Variants in SLC35F4 observed in about 807,000 individuals in gnomAD.
SLC35F4 encodes chromosome 14 open reading frame 36.
In SLC35F4, 24 loss-of-function variants were observed where a neutral mutation model predicts 44.2. The observed-to-expected ratio is 0.54, with a 90% CI of 0.39 to 0.76. The LOEUF (loss-of-function observed/expected upper bound fraction) is 0.76, where lower values mean the gene tolerates loss of function less well. Ranked by LOEUF, SLC35F4 falls within the 30% of genes least tolerant of loss-of-function variation. The probability of loss-of-function intolerance (pLI) is 0.00; values close to 1 mark genes in which losing one functional copy is unlikely to be tolerated. For synonymous variants in SLC35F4, 238 were observed against 223.6 expected (o/e 1.06, Z -0.57); for missense variants, 562 against 586.1 (o/e 0.96, Z 0.42).
At chr14:57,804,867 C>T (rs745367139) in intron 1 of SLC35F4, among the ~76,000 whole-genome samples, 17 of 152,132 alleles carry the variant, frequency 1.1e-4, no homozygotes, top group South Asian at 6.2e-4. Context: ...GCAATATATC[C>T]GTCTCACAAA....
chr14:57,574,149 G>A (rs1320513608), intron 4 of SLC35F4, among the ~76,000 whole-genome samples: 1 of 152,132 alleles, frequency 6.6e-6, no homozygotes, highest in East Asian at 1.9e-4. Flanking sequence ...TATGACCACA[G>A]GTAGGAACTC....
intron 1 of SLC35F4, among the ~76,000 whole-genome samples, chr14:57,702,410 A>G (rs889415178): frequency 6.6e-6 from 1 of 151,504 alleles, no homozygotes; most frequent in African/African-American, 2.4e-5. Context: ...TATTCATTGT[A>G]CTTCCCTCTA....
chr14:57,682,804 G>T (rs1286662101), intron 1 of SLC35F4, among the ~76,000 whole-genome samples: 1 of 152,072 alleles, frequency 6.6e-6, no homozygotes, highest in Non-Finnish European at 1.5e-5. Flanking sequence ...CTTGGGCAAG[G>T]CACTTAATCT....
Position 57,939,689 on chromosome 14 carries a change from A to C in SLC35F4, n.282+42224T>G, listed in dbSNP as rs148490256. On this transcript the variant is annotated intron_variant and non_coding_transcript_variant, in intron 1 of 1. Transcript: ENST00000556568. ...GCCATTTAATTAATGGAGTTGGAATAATGTGGAATTGAATTGGACAGTTAA... is the reference window on the plus strand; with the variant it reads ...GCCATTTAATTAATGGAGTTGGAATCATGTGGAATTGAATTGGACAGTTAA... Among the ~76,000 whole-genome samples, 544 of 152,356 alleles carry C rather than the reference A, an allele frequency of 3.6e-3. 3 individuals are homozygous for C. Among genetic ancestry groups the C allele is most frequent in the African/African-American group, 0.013 (525 of 41,580 alleles).
chr14:57,940,751 C>T (rs1178721812), intron 1 of SLC35F4, among the ~76,000 whole-genome samples: 1 of 152,188 alleles, frequency 6.6e-6, no homozygotes, highest in East Asian at 1.9e-4. Flanking sequence ...CAGAACTGCC[C>T]TTGCATCTGT....
chr14:57,601,670 A>G (rs946331796), intron 1 of SLC35F4, among the ~76,000 whole-genome samples: 1 of 152,208 alleles, frequency 6.6e-6, no homozygotes, highest in East Asian at 1.9e-4. Flanking sequence ...CTTATCCCTA[A>G]AATAGTAGTA....
At chr14:57,867,603 C>CCA (rs1555398942), upstream of SLC35F4, among the ~76,000 whole-genome samples, 1 of 31,532 alleles carries the variant, frequency 3.2e-5, no homozygotes, top group East Asian at 0.011. Context: ...TGCCTTTACA[C>CCA]CCCCCCCCAC....
At chr14:57,675,877 G>A (rs1034847004) in intron 1 of SLC35F4, among the ~76,000 whole-genome samples, 1 of 151,976 alleles carries the variant, frequency 6.6e-6, no homozygotes, top group Non-Finnish European at 1.5e-5. Flanking sequence ...CTAGAAGATA[G>A]CATCAGAAAA....
In SLC35F4 at chr14:57,961,835, T is replaced by G. The variant is rs532765420; in HGVS notation, n.282+20078A>C. 1.8e-4 allele frequency among the ~76,000 whole-genome samples: 28 copies of G among 152,308 alleles called. No individual in the cohort carries two copies. In the South Asian group the frequency reaches 2.3e-3, roughly 12 times the overall value. ...GCCCTCCCTGCCTCAACTGACGACT[T>G]TAAGCCCTCTTATTATATGTCCTCA... is the stretch of plus-strand genomic sequence containing the variant. On this transcript the variant is annotated intron_variant and non_coding_transcript_variant, in intron 1 of 1. Transcript: ENST00000556568.
intron 1 of SLC35F4, among the ~76,000 whole-genome samples, chr14:57,690,953 C>T (rs772420389): frequency 6.6e-6 from 1 of 152,132 alleles, no homozygotes; most frequent in Non-Finnish European, 1.5e-5. Flanking sequence ...CAGTACCTAA[C>T]AGTATTGGTA....
chr14:57,807,585 T>C (rs1044684421), intron 1 of SLC35F4, among the ~76,000 whole-genome samples: 5 of 151,892 alleles, frequency 3.3e-5, no homozygotes, highest in African/African-American at 7.3e-5. Flanking sequence ...TCAGTACTGA[T>C]TGATTTGAAA....
chr14:57,822,178 G>A (rs1402903679), intron 1 of SLC35F4, among the ~76,000 whole-genome samples: 1 of 152,206 alleles, frequency 6.6e-6, no homozygotes, highest in East Asian at 1.9e-4. Context: ...CTTTACCTTT[G>A]TCTTGGAGCA....
chr14:57,643,886 C>T (rs975758300), intron 1 of SLC35F4, among the ~76,000 whole-genome samples: 1 of 151,910 alleles, frequency 6.6e-6, no homozygotes, highest in Non-Finnish European at 1.5e-5. Context: ...TTTGTCCATG[C>T]GATAGTTTGC....
intron 1 of SLC35F4, among the ~76,000 whole-genome samples, chr14:57,911,775 G>C (rs1027838192): frequency 1.3e-5 from 2 of 151,864 alleles, no homozygotes; most frequent in Non-Finnish European, 2.9e-5. Context: ...TTTGATATTA[G>C]GGTAATACTG....
In SLC35F4 at chr14:57,719,519, T is replaced by C. The variant is rs548145566; in HGVS notation, c.104-125395A>G. ...TTTGACCAGTGTTTTATAGTTCTCA[T>C]TTTAGAGAACTTTCACTTTTTTGGT... On this transcript the variant is annotated intron_variant, in intron 1 of 7. Transcript: ENST00000556826. 3.9e-4 allele frequency among the ~76,000 whole-genome samples: 59 copies of C among 152,308 alleles called. 2 individuals are homozygous for C. The highest frequency in any genetic ancestry group is 4.6e-4 in the Admixed American group (7 of 15,298).
At chr14:57,583,247 G>A (rs902440496) in intron 3 of SLC35F4, among the ~76,000 whole-genome samples, 3 of 152,194 alleles carry the variant, frequency 2.0e-5, no homozygotes, top group African/African-American at 4.8e-5. Context: ...AGTTTTCATA[G>A]AGCATCCTGG....
chr14:57,670,685 G>A (rs375743743), intron 1 of SLC35F4, among the ~76,000 whole-genome samples: 2 of 151,898 alleles, frequency 1.3e-5, no homozygotes, highest in East Asian at 3.9e-4. Flanking sequence ...TTGCACTGTG[G>A]TCTGAGAGAC....
At chr14:57,728,030 T>C (rs1277437056) in intron 1 of SLC35F4, among the ~76,000 whole-genome samples, 1 of 152,226 alleles carries the variant, frequency 6.6e-6, no homozygotes, top group African/African-American at 2.4e-5. Flanking sequence ...TCTCTTCAGC[T>C]CTAATAATAT....
In SLC35F4 at chr14:57,575,337, G is replaced by A. The variant is rs773457620; in HGVS notation, c.808-3318C>T. ...TCTACTAAAAATATAAAAAGTAGCC[G>A]TGCTTTGGTGGCACATGCCTGTAAT... On this transcript the variant is annotated intron_variant, in intron 4 of 7. Coordinates refer to ENST00000556826, the MANE Select transcript of SLC35F4 (RefSeq NM_001306087.2). Among the ~76,000 whole-genome samples the A allele has an allele frequency of 5.9e-5, 9 of 152,114 alleles. No individual in the cohort carries two copies. The East Asian group carries it at 7.7e-4, about 13-fold the overall frequency.
Sources: allele counts gnomAD v4.1 joint callset (sites outside exome capture counted in the v4.1 genomes callset), GRCh38; gene constraint gnomAD v4.1.1; transcripts MANE v1.5; gene names NCBI Gene and HGNC (gene_info 2026-07-23, HGNC 2026-07-21).